TBC1D2B: variants seen among roughly 807,000 people sequenced by gnomAD.
TBC1D2B encodes the protein TBC1 domain family member 2B.
TBC1D2B carries 64 observed loss-of-function variants against 100.8 expected under a neutral mutation model. That is an observed-to-expected ratio of 0.64 (90% CI 0.52 to 0.78). TBC1D2B has a LOEUF of 0.78. Among genes scored for constraint, TBC1D2B ranks in the 30% least tolerant of loss-of-function variants. The probability of loss-of-function intolerance (pLI) is 0.00; values close to 1 mark genes in which losing one functional copy is unlikely to be tolerated. For missense variants in TBC1D2B, 1,052 were observed against 1,218.4 expected (o/e 0.86, Z 2.03); for synonymous variants, 480 against 479.7 (o/e 1.00, Z -0.01).
At chr15:78,009,242 A>G in intron 9 of TBC1D2B, 128 bp from the exon 10 acceptor site, 1 of 653,276 alleles carries the variant, frequency 1.5e-6, no homozygotes. Flanking sequence ...TCTCCAATAA[A>G]GAATAATAAG....
rs776398154 is a variant in TBC1D2B, at chr15:78,054,157, A to C, written c.391T>G (p.Leu131Val). The C allele has an allele frequency of 3.1e-6, 5 of 1,613,490 alleles. No homozygotes were observed. In the African/African-American group the frequency reaches 5.3e-5, roughly 17 times the overall value. The stretch of plus-strand genomic sequence containing the variant: ...CATCTCTTCTGCTGAAGCTCCTGTA[A>C]CCAGTAAGTCATGAGTTGACGATTG... ...APNRQLMTYW[L>V]QELQQKRWEY... The change falls in exon 2 of 13, where the codon TTA (leucine) becomes GTA (valine). Residue 131 changes from leucine to valine, a missense_variant. By Grantham distance (32) the Leu-to-Val change is conservative. Coordinates refer to ENST00000300584, the MANE Select transcript of TBC1D2B (RefSeq NM_144572.2).
intron 10 of TBC1D2B, among the ~76,000 whole-genome samples, chr15:78,007,606 G>A (rs2072101797): frequency 6.6e-6 from 1 of 152,194 alleles, no homozygotes; most frequent in South Asian, 2.1e-4. Flanking sequence ...CTTGCTCAGG[G>A]TCCAGCCAGG....
At chr15:78,075,893 TC>T (rs2073821022) in intron 1 of TBC1D2B, among the ~76,000 whole-genome samples, 1 of 152,092 alleles carries the variant, frequency 6.6e-6, no homozygotes, top group Non-Finnish European at 1.5e-5. Flanking sequence ...TGAGGAACAG[TC>T]CTCAGCTCAC....
At chr15:77,998,390 C>G (rs761768284) in intron 12 of TBC1D2B, 35 bp from the exon 13 acceptor site, 5 of 1,530,940 alleles carry the variant, frequency 3.3e-6, no homozygotes, top group Non-Finnish European at 3.5e-6. Flanking sequence ...AGAGAATCAG[C>G]GGCGCTCCAG....
chr15:78,031,585 A>AAT (rs1454327649), intron 3 of TBC1D2B, among the ~76,000 whole-genome samples: 2 of 140,500 alleles, frequency 1.4e-5, no homozygotes, highest in Non-Finnish European at 3.1e-5. Context: ...AGAGAGAGAG[A>AAT]GAGGATTTTA....
intron 6 of TBC1D2B, among the ~76,000 whole-genome samples, chr15:78,022,546 C>G (rs2072541110): frequency 9.0e-6 from 1 of 111,672 alleles, no homozygotes; most frequent in South Asian, 2.8e-4. Flanking sequence ...AACCACAAAG[C>G]CTATTTTTTT....
chr15:78,067,080 T>C (rs1051025561), intron 1 of TBC1D2B, among the ~76,000 whole-genome samples: 1 of 152,216 alleles, frequency 6.6e-6, no homozygotes. Context: ...TTACGACAGA[T>C]ATATAAAGCA....
At position 78,019,178 on chromosome 15, in the gene TBC1D2B, A is replaced by G. The variant is rs988650339; in HGVS notation, c.1471-1221T>C. 2.6e-5 allele frequency among the ~76,000 whole-genome samples: 4 copies of G among 152,200 alleles called. No individual in the cohort carries two copies. The East Asian group carries it at 7.7e-4, about 29-fold the overall frequency. On this transcript the variant is annotated intron_variant, in intron 6 of 12. Transcript: ENST00000300584. Reference sequence around the variant, plus strand: ...TTATACCACTTCCCCCATAAAATGCAGAAGAACTGAAAATGGTTCAATGTT... The same window carrying G: ...TTATACCACTTCCCCCATAAAATGCGGAAGAACTGAAAATGGTTCAATGTT...
chr15:78,006,491 C>G (rs1039243637), intron 10 of TBC1D2B, among the ~76,000 whole-genome samples: 4 of 152,248 alleles, frequency 2.6e-5, no homozygotes, highest in African/African-American at 9.6e-5. Context: ...GGACAGGGAC[C>G]TGAAGGGGGC....
intron 3 of TBC1D2B, among the ~76,000 whole-genome samples, chr15:78,030,785 A>G (rs537668607): frequency 2.0e-5 from 3 of 152,372 alleles, no homozygotes; most frequent in East Asian, 3.9e-4. Context: ...CATTCACTGC[A>G]GCATTGTTCA....
intron 3 of TBC1D2B, among the ~76,000 whole-genome samples, chr15:78,042,372 T>C (rs1280793140): frequency 6.6e-6 from 1 of 152,160 alleles, no homozygotes; most frequent in Non-Finnish European, 1.5e-5. Flanking sequence ...GGGTCCCCAA[T>C]TAGGAGACCT....
intron 10 of TBC1D2B, among the ~76,000 whole-genome samples, chr15:78,004,371 G>T (rs2072010669): frequency 1.3e-5 from 2 of 152,212 alleles, no homozygotes; most frequent in Non-Finnish European, 2.9e-5. Flanking sequence ...GCACTGAGGA[G>T]AAACCGCTCC....
chr15:78,034,743 G>T (rs2072906745), intron 3 of TBC1D2B: 1 of 985,406 alleles, frequency 1.0e-6, no homozygotes, highest in Non-Finnish European at 1.2e-6. Context: ...TCAAGTCCTG[G>T]ATAAGAGAGA....
At chr15:78,027,771 T>C (rs1333737805) in intron 4 of TBC1D2B, among the ~76,000 whole-genome samples, 1 of 152,254 alleles carries the variant, frequency 6.6e-6, no homozygotes, top group East Asian at 1.9e-4. Flanking sequence ...CAGTACTTAT[T>C]TTCAATAACC....
chr15:78,002,588 C>T (rs1407454526), intron 11 of TBC1D2B: 2 of 151,998 alleles, frequency 1.3e-5, no homozygotes, highest in Non-Finnish European at 2.9e-5. Flanking sequence ...AACTGCTTTC[C>T]CCATATCTAA....
At chr15:78,068,766 T>A (rs2073701066) in intron 1 of TBC1D2B, among the ~76,000 whole-genome samples, 1 of 152,068 alleles carries the variant, frequency 6.6e-6, no homozygotes, top group Non-Finnish European at 1.5e-5. Flanking sequence ...CCAGGCAAAG[T>A]ACTTCACAGA....
intron 9 of TBC1D2B, among the ~76,000 whole-genome samples, chr15:78,009,627 G>A (rs568355237): frequency 6.4e-4 from 97 of 151,990 alleles, no homozygotes; most frequent in African/African-American, 2.2e-3. Flanking sequence ...TTTGTTCAAA[G>A]ATGAAATTGT....
chr15:77,995,577 T>C lies in TBC1D2B; in HGVS notation c.*2583A>G, dbSNP rs1017362914. ...TGTTATATAAAATAGATATGTGGAA[T>C]CTAGAAACACCTTGAGAAAATAGCC... On this transcript the variant is annotated 3_prime_UTR_variant, in exon 13 of 13. Transcript: ENST00000300584. The C allele has an allele frequency of 1.3e-5, 2 of 152,332 alleles. No homozygotes were observed. The highest frequency in any genetic ancestry group is 2.4e-5 in the African/African-American group (1 of 41,424). 9.4% of individuals were successfully genotyped at this position (152,332 alleles called of 1,614,324 possible).
intron 11 of TBC1D2B, chr15:78,003,088 C>T (rs2071959398): frequency 2.0e-6 from 1 of 498,684 alleles, no homozygotes; most frequent in Non-Finnish European, 3.7e-6. Context: ...GCGCCTATCA[C>T]AGGGCTTGAT....
Sources: allele counts gnomAD v4.1 joint callset (sites outside exome capture counted in the v4.1 genomes callset), GRCh38; gene constraint gnomAD v4.1.1; transcripts MANE v1.5; gene names NCBI Gene and HGNC (gene_info 2026-07-23, HGNC 2026-07-21).